PTH1R: variants seen among roughly 807,000 people sequenced by gnomAD.
The protein encoded by PTH1R is parathyroid hormone/parathyroid hormone-related peptide receptor.
A neutral mutation model predicts 70.7 loss-of-function variants in PTH1R; 32 were observed. The observed-to-expected ratio is 0.45, with a 90% confidence interval of 0.34 to 0.61. The LOEUF is 0.61. Ranked by LOEUF, PTH1R falls within the 20% of genes least tolerant of loss-of-function variation. The pLI is 0.01. For missense variants in PTH1R, 626 were observed against 792.5 expected, an observed-to-expected ratio of 0.79 and a Z score of 2.52; for synonymous variants, 329 against 324.8, an observed-to-expected ratio of 1.01 and a Z score of -0.14.
chr3:46,890,339 G>A (rs917187204), intron 3 of PTH1R, among the ~76,000 whole-genome samples: 4 of 152,032 alleles, frequency 2.6e-5, no homozygotes, highest in African/African-American at 7.3e-5. Context: ...GCCTGGCTGG[G>A]AGCACCCATG....
In PTH1R at chr3:46,883,200, G is replaced by GGGGGGCGGGCC. The variant is rs1203218958; in HGVS notation, c.-48-302_-48-292dup. On this transcript the variant is annotated intron_variant, in intron 2 of 15. Transcript: ENST00000449590. The surrounding 1 kb of genome is among the most constrained non-coding windows in gnomAD (Gnocchi z 6.4). Reference sequence around the variant, plus strand: ...AGAAAAGGCGGCGCGGGAGGGGGGCGGGGGGCGGGCCGGGGGCGGGGGGCC... The same window carrying GGGGGGCGGGCC: ...AGAAAAGGCGGCGCGGGAGGGGGGCGGGGGGCGGGCCGGGGGCGGGCCGGGGGCGGGGGGCC... Among the ~76,000 whole-genome samples the GGGGGGCGGGCC allele has an allele frequency of 2.0e-5, 3 of 151,288 alleles. No individual in the cohort carries two copies. The highest frequency in any genetic ancestry group is 4.4e-5 in the Non-Finnish European group (3 of 67,666).
In PTH1R at chr3:46,902,684, C is replaced by G; in HGVS notation, c.1353+17C>G. 1.9e-6 allele frequency: 3 copies of G among 1,611,922 alleles called. No individual in the cohort carries two copies. Among genetic ancestry groups the G allele is most frequent in the African/African-American group, 1.3e-5 (1 of 74,952 alleles). ...TCCTTCCAGGTGCGCAGTGCTGGCCCGGGCCTGGCTGAGGGTGGGAGGGGT... is the reference window on the plus strand; with the variant it reads ...TCCTTCCAGGTGCGCAGTGCTGGCCGGGGCCTGGCTGAGGGTGGGAGGGGT... On this transcript the variant is annotated intron_variant, in intron 14 of 15. Coordinates refer to ENST00000449590, the MANE Select transcript of PTH1R (RefSeq NM_000316.3). This position sits in a 1 kb window ranked among gnomAD's most constrained non-coding sequence, Gnocchi z 5.4.
chr3:46,895,779 T>C lies in PTH1R; in HGVS notation c.223T>C (p.Ser75Pro), dbSNP rs1276622604. 2 of 1,614,102 alleles carry C rather than the reference T, an allele frequency of 1.2e-6. No homozygotes were observed. Among genetic ancestry groups the C allele is most frequent in the Non-Finnish European group, 1.7e-6 (2 of 1,180,026 alleles). The change falls in exon 5 of 16, where the codon TCA becomes CCA. Residue 75 changes from serine to proline, a missense_variant. By Grantham distance (74) the Ser-to-Pro change is moderately conservative (BLOSUM62 -1). Around this residue, in one of 3 missense-constraint regions of PTH1R, gnomAD observed 123 missense variants for 125.7 expected, o/e 0.98. Coordinates refer to ENST00000449590, the MANE Select transcript of PTH1R (RefSeq NM_000316.3). ...CAAGGGATGGACATCTGCGTCCACA[T>C]CAGGGAAGCCCAGGAAAGATAAGGC... ...SDKGWTSASTSGKPRKDKASG... is the reference protein window; with the variant it reads ...SDKGWTSASTPGKPRKDKASG...
At chr3:46,898,927 C>T in intron 9 of PTH1R, 70 bp downstream of exon 9, 1 of 1,125,974 alleles carries the variant, frequency 8.9e-7, no homozygotes, top group South Asian at 1.8e-5. Flanking sequence ...CCGCCCCGCT[C>T]CAGCCCGGCC....
rs201320537 is a variant in PTH1R, at chr3:46,893,967, G to A, written c.136G>A (p.Ala46Thr). The A allele has an allele frequency of 2.4e-5, 39 of 1,614,076 alleles. No homozygotes were observed. The highest frequency in any genetic ancestry group is 1.0e-4 in the Admixed American group (6 of 60,002). Residue 46 changes from alanine (A) to threonine (T), a missense_variant, in exon 4 of 16, where the codon GCC (alanine) becomes ACC (threonine). Coordinates refer to ENST00000449590, the MANE Select transcript of PTH1R (RefSeq NM_000316.3). This position sits in a 1 kb window ranked among gnomAD's most constrained non-coding sequence, Gnocchi z 5.2. Reference sequence around the variant, plus strand: ...GATCTTCCTGCTGCACCGTGCTCAGGCCCAGTGCGAAAAACGGCTCAAGGA... The same window carrying A: ...GATCTTCCTGCTGCACCGTGCTCAGACCCAGTGCGAAAAACGGCTCAAGGA... Reference protein sequence around the residue: ...EQIFLLHRAQAQCEKRLKEVL... With the variant: ...EQIFLLHRAQTQCEKRLKEVL...
rs971109457 is a variant in PTH1R at position 46,891,427 on chromosome 3, C to T, written c.76-2480C>T. Among the ~76,000 whole-genome samples the T allele has an allele frequency of 5.3e-5, 8 of 152,238 alleles. No homozygotes were observed. The highest frequency in any genetic ancestry group is 1.9e-4 in the African/African-American group (8 of 41,464). ...AGTCTAGGCCATCAGGGGTGACCCC[C>T]AGTCATATCAGTAGGCTGGTCTGTC... On this transcript the variant is annotated intron_variant, in intron 3 of 15. Transcript: ENST00000449590. This position sits in a 1 kb window ranked among gnomAD's most constrained non-coding sequence, Gnocchi z 4.3.
rs1051806113 is a variant in PTH1R, at chr3:46,882,897, C to G, written c.-48-615C>G. Among the ~76,000 whole-genome samples the G allele has an allele frequency of 3.2e-4, 48 of 151,918 alleles. No individual in the cohort carries two copies. The highest frequency in any genetic ancestry group is 1.1e-3 in the African/African-American group (45 of 41,450). ...CTGGGATCTCAGGAGGCCGAACGGC[C>G]GGGGGCTGGCGGCCGGAACACCTAA... On this transcript the variant is annotated intron_variant, in intron 2 of 15. Transcript: ENST00000449590. This position sits in a 1 kb window ranked among gnomAD's most constrained non-coding sequence, Gnocchi z 4.3.
chr3:46,879,883 GC>G lies in PTH1R; in HGVS notation c.-105-1178del, dbSNP rs902615346. 3.3e-5 allele frequency among the ~76,000 whole-genome samples: 5 copies of G among 151,996 alleles called. No homozygotes were observed. The highest frequency in any genetic ancestry group is 7.4e-5 in the Non-Finnish European group (5 of 68,004). On this transcript the variant is annotated intron_variant, in intron 1 of 15. Coordinates refer to ENST00000449590, the MANE Select transcript of PTH1R (RefSeq NM_000316.3). This position sits in a 1 kb window ranked among gnomAD's most constrained non-coding sequence, Gnocchi z 4.7. ...GAGAAACCCCATCTCCACTACAAATGCAAAAATTAGCCAGGCGTGGTGGTGC... is the reference window on the plus strand; with the variant it reads ...GAGAAACCCCATCTCCACTACAAATGAAAAATTAGCCAGGCGTGGTGGTGC...
chr3:46,898,942 C>G, intron 9 of PTH1R, 85 bp downstream of exon 9: 2 of 989,092 alleles, frequency 2.0e-6, no homozygotes, highest in Non-Finnish European at 2.8e-6. Flanking sequence ...CCGGCCCTCG[C>G]CCTGCCCGCC....
In PTH1R at chr3:46,898,181, A is replaced by T; in HGVS notation, c.532A>T (p.Thr178Ser). Residue 178 changes from threonine to serine, a missense_variant, in exon 7 of 16, where the codon ACT becomes TCT. Thr to Ser is a moderately conservative substitution (Grantham distance 58, BLOSUM62 1). Coordinates refer to ENST00000449590, the MANE Select transcript of PTH1R (RefSeq NM_000316.3). The part of the protein sequence containing the change: ...SECVKFLTNE[T>S]REREVFDRLG... ...GTGTGTCAAATTTCTCACCAATGAG[A>T]CTCGTGAACGGGTGCGAGCCTTTCT... 6.2e-7 allele frequency: 1 copy of T among 1,613,884 alleles called. No homozygotes were observed. Among genetic ancestry groups the T allele is most frequent in the Non-Finnish European group, 8.5e-7 (1 of 1,179,936 alleles).
At chr3:46,898,348 TCTGA>T (rs757903167) in intron 7 of PTH1R, 26 bp from the exon 8 acceptor site, 3 of 1,607,640 alleles carry the variant, frequency 1.9e-6, no homozygotes, top group South Asian at 2.2e-5. Context: ...GTCCCAGGGC[TCTGA>T]CTGTGTCTCC....
At chr3:46,894,919 C>T (rs964690188) in intron 4 of PTH1R, among the ~76,000 whole-genome samples, 2 of 151,794 alleles carry the variant, frequency 1.3e-5, no homozygotes, top group African/African-American at 2.4e-5. Flanking sequence ...TAAAAATTAG[C>T]GAGGTATGGT....
In PTH1R at chr3:46,883,529, G is replaced by A. The variant is rs1369477453; in HGVS notation, c.-31G>A. 30 of 1,498,922 alleles carry A rather than the reference G, an allele frequency of 2.0e-5. No homozygotes were observed. The highest frequency in any genetic ancestry group is 2.4e-5 in the Non-Finnish European group (27 of 1,129,930). The allele number at this position is 1,498,922 out of a possible 1,614,324, so 92.9% of individuals were successfully genotyped here. Reference sequence around the variant, plus strand: ...ACCACCAGGGCCGGCGGCGGCGGCTGCCCCGAGGGACGCGGCCCTAGGCGG... The same window carrying A: ...ACCACCAGGGCCGGCGGCGGCGGCTACCCCGAGGGACGCGGCCCTAGGCGG... On this transcript the variant is annotated 5_prime_UTR_variant, in exon 3 of 16. Transcript: ENST00000449590. The surrounding 1 kb of genome is among the most constrained non-coding windows in gnomAD (Gnocchi z 6.4).
At chr3:46,898,581 C>T (rs2031909132) in intron 8 of PTH1R, 81 bp from the exon 9 acceptor site, 1 of 1,600,866 alleles carries the variant, frequency 6.2e-7, no homozygotes, top group Admixed American at 1.7e-5. Context: ...GTGTCCCTAC[C>T]TACGGCGCAC....
chr3:46,902,924 A>G lies in PTH1R; in HGVS notation c.1395+134A>G, dbSNP rs762210072. ...AGAACACCCCTGAGGACATTCTGAA[A>G]GCAGAGAAGTCTTTCCAGATGATGC... is the stretch of plus-strand genomic sequence containing the variant. On this transcript the variant is annotated intron_variant, in intron 15 of 15. Coordinates refer to ENST00000449590, the MANE Select transcript of PTH1R (RefSeq NM_000316.3). The surrounding 1 kb of genome is among the most constrained non-coding windows in gnomAD (Gnocchi z 5.4). 1.8e-5 allele frequency: 24 copies of G among 1,328,744 alleles called. No homozygotes were observed. The African/African-American group carries it at 3.5e-4, about 19-fold the overall frequency. 82.3% of individuals were successfully genotyped at this position (1,328,744 alleles called of 1,614,324 possible). A position where few individuals can be genotyped will look rare whatever the true frequency, so the allele number is the denominator to read the frequency against.
rs1386592336 is a variant in PTH1R at position 46,901,184 on chromosome 3, C to T, written c.1049+99C>T. ...GGGCCTCCTGTACCCTGGCCTCAAA[C>T]GGCCCAGCCTCAGGAGTTCTCAGTC... On this transcript the variant is annotated intron_variant, in intron 11 of 15. Coordinates refer to ENST00000449590, the MANE Select transcript of PTH1R (RefSeq NM_000316.3). This position sits in a 1 kb window ranked among gnomAD's most constrained non-coding sequence, Gnocchi z 7.3. 8 of 1,431,816 alleles carry T rather than the reference C, an allele frequency of 5.6e-6. No homozygotes were observed. The highest frequency in any genetic ancestry group is 2.0e-5 in the Admixed American group (1 of 50,832). 88.7% of individuals were successfully genotyped at this position (1,431,816 alleles called of 1,614,324 possible). A position where few individuals can be genotyped will look rare whatever the true frequency, so the allele number is the denominator to read the frequency against.
intron 10 of PTH1R, among the ~76,000 whole-genome samples, chr3:46,900,357 C>T (rs1432310081): frequency 6.6e-6 from 1 of 152,160 alleles, no homozygotes; most frequent in Admixed American, 6.5e-5. Context: ...TGTCACAGCT[C>T]TTTTTCTTAC....
rs2031548567 is a variant in PTH1R at position 46,893,409 on chromosome 3, GC to G, written c.76-497del. On this transcript the variant is annotated intron_variant, in intron 3 of 15. Transcript: ENST00000449590. This position sits in a 1 kb window ranked among gnomAD's most constrained non-coding sequence, Gnocchi z 5.2. ...CACTGGGGACAGCATTGACTGGGGA[GC>G]TGGGCCAAGATGGAAACTGGTGACT... Among the ~76,000 whole-genome samples, 1 of 152,152 alleles carries G rather than the reference GC, an allele frequency of 6.6e-6. No individual in the cohort carries two copies. Among genetic ancestry groups the G allele is most frequent in the South Asian group, 2.1e-4 (1 of 4,824 alleles).
rs775069395 is a variant in PTH1R, at chr3:46,903,515, C to A, written c.1641C>A (p.Thr547=). 1.2e-6 allele frequency: 2 copies of A among 1,613,960 alleles called. No homozygotes were observed. The highest frequency in any genetic ancestry group is 1.7e-5 in the Admixed American group (1 of 60,028). ...HAKPGTPALE[T]LETTPPAMAA... ...AGCCAGGGACCCCAGCCCTGGAGAC[C>A]CTCGAGACCACACCACCTGCCATGG... The change falls in exon 16 of 16, where the codon ACC becomes ACA. Residue 547 remains threonine, a synonymous_variant. Coordinates refer to ENST00000449590, the MANE Select transcript of PTH1R (RefSeq NM_000316.3). This position sits in a 1 kb window ranked among gnomAD's most constrained non-coding sequence, Gnocchi z 4.4.
Sources: allele counts gnomAD v4.1 joint callset (sites outside exome capture counted in the v4.1 genomes callset), GRCh38; gene constraint gnomAD v4.1.1; regional missense constraint gnomAD v4.1.1; non-coding constraint Gnocchi (gnomAD v3.1); transcripts MANE v1.5; gene names NCBI Gene and HGNC (gene_info 2026-07-23, HGNC 2026-07-21).